DPP10: variants seen among roughly 807,000 people sequenced by gnomAD.
DPP10 encodes the protein inactive dipeptidyl peptidase 10.
Under a neutral mutation model 120.9 loss-of-function variants are expected in DPP10, and 33 were observed. The ratio of observed to expected loss-of-function variants is 0.27; its 90% CI spans 0.21 to 0.37. DPP10 has a LOEUF of 0.37. DPP10 is among the 10% of genes least tolerant of loss of function. The pLI is 1.00. For missense variants in DPP10, 816 were observed against 942.8 expected (o/e 0.87, Z 1.76); for synonymous variants, 337 against 326.1 (o/e 1.03, Z -0.36).
At chr2:115,370,674 T>C (rs1264660918) in intron 3 of DPP10, among the ~76,000 whole-genome samples, 2 of 152,170 alleles carry the variant, frequency 1.3e-5, no homozygotes, top group African/African-American at 4.8e-5. Context: ...TATTTTACTG[T>C]CTATTTCATC....
At chr2:114,806,283 A>G (rs1236875699) in intron 1 of DPP10, among the ~76,000 whole-genome samples, 2 of 152,230 alleles carry the variant, frequency 1.3e-5, no homozygotes, top group African/African-American at 4.8e-5. Flanking sequence ...AATGTTTGCA[A>G]CTGAAGCTAG....
Position 115,315,276 on chromosome 2 carries a change from TAC to T in DPP10, c.175+5941_175+5942del, listed in dbSNP as rs138469343. Among the ~76,000 whole-genome samples the T allele has an allele frequency of 4.8e-3, 713 of 147,560 alleles. 2 individuals carry two copies. Among genetic ancestry groups the T allele is most frequent in the Non-Finnish European group, 6.2e-3 (411 of 66,218 alleles). ...ACACACACACATGCACACACACACA[TAC>T]ACACACACACACACACATACATCTA... On this transcript the variant is annotated intron_variant, in intron 2 of 25. Coordinates refer to ENST00000410059, the MANE Select transcript of DPP10 (RefSeq NM_020868.6).
chr2:114,651,647 A>AT lies in DPP10; in HGVS notation c.60+208819dup, dbSNP rs1019528811. Among the ~76,000 whole-genome samples the AT allele has an allele frequency of 2.2e-3, 335 of 150,842 alleles. 2 individuals are homozygous for AT. Among genetic ancestry groups the AT allele is most frequent in the Admixed American group, 3.8e-3 (57 of 15,112 alleles). On this transcript the variant is annotated intron_variant, in intron 1 of 25. Transcript: ENST00000410059. ...AATCTCCTAGAAACGGTTAATTAAG[A>AT]TTTTTTTTTTAAAGACTGTGCTTGG...
chr2:115,280,515 T>C (rs970689475), intron 1 of DPP10, among the ~76,000 whole-genome samples: 2 of 152,172 alleles, frequency 1.3e-5, no homozygotes, highest in African/African-American at 4.8e-5. Flanking sequence ...ACATAAGCAA[T>C]ATCATGTTAA....
intron 1 of DPP10, among the ~76,000 whole-genome samples, chr2:115,264,585 C>A (rs1186559757): frequency 1.3e-5 from 2 of 152,084 alleles, no homozygotes; most frequent in African/African-American, 4.8e-5. Flanking sequence ...TAAGCCATTT[C>A]AATGTGGGGA....
chr2:115,547,627 A>C (rs930334583), intron 5 of DPP10, among the ~76,000 whole-genome samples: 6 of 152,044 alleles, frequency 3.9e-5, no homozygotes, highest in African/African-American at 1.2e-4. Flanking sequence ...TTAGCTGGGC[A>C]TTGTGGTATG....
At chr2:115,139,311 G>T (rs554853233) in intron 1 of DPP10, among the ~76,000 whole-genome samples, 112 of 152,170 alleles carry the variant, frequency 7.4e-4, no homozygotes, top group African/African-American at 2.7e-3. Flanking sequence ...AATTGGTCTT[G>T]TAAGATGGTG....
Position 115,643,415 on chromosome 2 carries a change from G to A in DPP10, c.442-46272G>A, listed in dbSNP as rs11889440. The stretch of plus-strand genomic sequence containing the variant: ...GTAGCAGCATGAAAAATTGTAGAGA[G>A]GCAGTAAAACTGAAAGCTCAAGGGT... On this transcript the variant is annotated intron_variant, in intron 5 of 25. Transcript: ENST00000410059. Among the ~76,000 whole-genome samples the A allele has an allele frequency of 6.9e-3, 1,047 of 152,220 alleles. 11 individuals carry two copies. Among genetic ancestry groups the A allele is most frequent in the African/African-American group, 0.024 (1,004 of 41,540 alleles).
At position 115,677,858 on chromosome 2, in the gene DPP10, A is replaced by G. The variant is rs1488842778; in HGVS notation, c.442-11829A>G. ...ACGCCTGACTCTAAGCATGAAACATATCATCTAGACAGAGAGTCAAGAAAC... is the reference window on the plus strand; with the variant it reads ...ACGCCTGACTCTAAGCATGAAACATGTCATCTAGACAGAGAGTCAAGAAAC... On this transcript the variant is annotated intron_variant, in intron 5 of 25. Coordinates refer to ENST00000410059, the MANE Select transcript of DPP10 (RefSeq NM_020868.6). Among the ~76,000 whole-genome samples, 4 of 152,228 alleles carry G rather than the reference A, an allele frequency of 2.6e-5. No homozygotes were observed. The East Asian group carries it at 7.7e-4, about 29-fold the overall frequency.
chr2:115,200,705 C>T (rs2055644154), intron 1 of DPP10, among the ~76,000 whole-genome samples: 1 of 152,182 alleles, frequency 6.6e-6, no homozygotes, highest in African/African-American at 2.4e-5. Flanking sequence ...GACCACTCTG[C>T]TGAATATAGG....
chr2:115,326,259 T>A (rs10469819), intron 2 of DPP10, among the ~76,000 whole-genome samples: 98,867 of 151,760 alleles, frequency 0.65, 32,530 homozygotes, highest in Admixed American at 0.73. Context: ...AATTCAGCTG[T>A]AAAGTTCTTA....
chr2:115,657,880 T>C (rs1338959674), intron 5 of DPP10, among the ~76,000 whole-genome samples: 1 of 152,026 alleles, frequency 6.6e-6, no homozygotes, highest in Middle Eastern at 3.4e-3. Context: ...TAAATATTTG[T>C]CTATGTGTCT....
At chr2:114,720,523 A>G (rs571795342) in intron 1 of DPP10, among the ~76,000 whole-genome samples, 1 of 152,296 alleles carries the variant, frequency 6.6e-6, no homozygotes, top group East Asian at 1.9e-4. Flanking sequence ...TATTGGAAAC[A>G]AAAAAATAGA....
chr2:115,388,994 A>G (rs557336326), intron 3 of DPP10, among the ~76,000 whole-genome samples: 2 of 152,286 alleles, frequency 1.3e-5, no homozygotes, highest in Admixed American at 6.5e-5. Flanking sequence ...AAAACACACA[A>G]GTTTTTAGCC....
chr2:115,558,524 A>G (rs147743950), intron 5 of DPP10, among the ~76,000 whole-genome samples: 161 of 152,292 alleles, frequency 1.1e-3, no homozygotes, highest in African/African-American at 3.7e-3. Flanking sequence ...AGTAATGAGG[A>G]TGAATTTTAA....
At chr2:115,085,097 A>G (rs58459331) in intron 1 of DPP10, among the ~76,000 whole-genome samples, 44,125 of 152,056 alleles carry the variant, frequency 0.29, 6,816 homozygotes, top group South Asian at 0.38. Flanking sequence ...CTTGTAGAAG[A>G]ATTTGTAGCA....
At chr2:114,734,453 A>G (rs1014509771) in intron 1 of DPP10, among the ~76,000 whole-genome samples, 2 of 152,210 alleles carry the variant, frequency 1.3e-5, no homozygotes, top group Non-Finnish European at 2.9e-5. Context: ...AAATTTACCT[A>G]TAGCCTGGAA....
At chr2:115,286,187 T>A (rs994459481) in intron 1 of DPP10, among the ~76,000 whole-genome samples, 2 of 151,710 alleles carry the variant, frequency 1.3e-5, no homozygotes, top group Admixed American at 1.3e-4. Context: ...TATGCAAACA[T>A]CATTAAAGTT....
At chr2:114,855,470 C>T (rs1170094550) in intron 1 of DPP10, among the ~76,000 whole-genome samples, 2 of 152,178 alleles carry the variant, frequency 1.3e-5, no homozygotes, top group Non-Finnish European at 2.9e-5. Context: ...TGTGGCAGTT[C>T]GAATTATTGT....
Sources: gnomAD v4.1 joint callset for allele counts (sites outside exome capture counted in the v4.1 genomes callset) on GRCh38, gnomAD v4.1.1 for gene constraint, MANE v1.5 for transcripts, NCBI Gene and HGNC (gene_info 2026-07-23, HGNC 2026-07-21) for gene names.